DPF3: variants seen among roughly 807,000 people sequenced by gnomAD.
DPF3 encodes the protein zinc finger protein DPF3.
DPF3 carries 18 observed loss-of-function variants against 56.8 expected under a neutral mutation model. The observed-to-expected ratio is 0.32, with a 90% CI of 0.22 to 0.47. DPF3 has a LOEUF of 0.47. Among genes scored for constraint, DPF3 ranks in the 20% least tolerant of loss-of-function variants. DPF3 has a pLI of 1.00. For missense variants in DPF3, 403 were observed against 488.8 expected (o/e 0.82, Z 1.65); for synonymous variants, 188 against 180.2 (o/e 1.04, Z -0.35).
intron 1 of DPF3, among the ~76,000 whole-genome samples, chr14:72,809,500 C>A (rs1599461413): frequency 6.6e-6 from 1 of 152,224 alleles, no homozygotes; most frequent in Non-Finnish European, 1.5e-5. Context: ...GATGGCTCCC[C>A]ATCCACCAGC....
rs1883921205 is a variant in DPF3 at position 72,614,014 on chromosome 14, G to A, written c.*5283C>T. 6.6e-6 allele frequency among the ~76,000 whole-genome samples: 1 copy of A among 152,062 alleles called. No homozygotes were observed. The highest frequency in any genetic ancestry group is 2.1e-4 in the South Asian group (1 of 4,822). On this transcript the variant is annotated 3_prime_UTR_variant, in exon 11 of 11. Coordinates refer to ENST00000556509, the MANE Select transcript of DPF3 (RefSeq NM_001280542.3). ...TCAGCTGTCCACTCACAGACCAGAG[G>A]GTCTCCAGCCTCCCTAGGAAGGGGT...
intron 1 of DPF3, among the ~76,000 whole-genome samples, chr14:72,867,637 C>T (rs188356500): frequency 1.2e-3 from 180 of 152,324 alleles, no homozygotes; most frequent in African/African-American, 4.2e-3. Flanking sequence ...AGAGATGCCC[C>T]GCCCTCCATG....
intron 5 of DPF3, among the ~76,000 whole-genome samples, chr14:72,715,306 T>C (rs1442220628): frequency 1.3e-5 from 2 of 152,208 alleles, no homozygotes; most frequent in Non-Finnish European, 2.9e-5. Flanking sequence ...GAGAGGTTGC[T>C]GGCAGCTCTG....
At chr14:72,640,046 TAAAAAAAAAAAAAAAAA>T (rs370070354) in intron 8 of DPF3, among the ~76,000 whole-genome samples, 9 of 45,268 alleles carry the variant, frequency 2.0e-4, no homozygotes, top group Non-Finnish European at 3.2e-4. Flanking sequence ...GTTTTCTAAG[TAAAAAAAAAAAAAAAAA>T]AAAAAAAAAA....
At chr14:72,756,855 A>AGGAAGGAAGGAAG (rs775621326) in intron 2 of DPF3, among the ~76,000 whole-genome samples, 2 of 107,740 alleles carry the variant, frequency 1.9e-5, no homozygotes, top group African/African-American at 7.5e-5. Context: ...AAAGAAAGAA[A>AGGAAGGAAGGAAG]GAAAGAAAGA....
intron 7 of DPF3, among the ~76,000 whole-genome samples, chr14:72,676,698 C>A (rs1886924454): frequency 6.6e-6 from 1 of 152,218 alleles, no homozygotes; most frequent in Non-Finnish European, 1.5e-5. Context: ...CACATGCTCT[C>A]TTGCCTGCTG....
intron 1 of DPF3, among the ~76,000 whole-genome samples, chr14:72,805,471 CA>C (rs1156474359): frequency 0.04 from 5,457 of 135,956 alleles, 333 homozygotes; most frequent in African/African-American, 0.14. Context: ...ACTCTACCTC[CA>C]AAAAAAAAAA....
chr14:72,765,326 T>G (rs867056824), intron 2 of DPF3, among the ~76,000 whole-genome samples: 2 of 152,242 alleles, frequency 1.3e-5, no homozygotes, highest in Non-Finnish European at 2.9e-5. Flanking sequence ...ACAACCACTT[T>G]GGAAAAGAGC....
intron 2 of DPF3, among the ~76,000 whole-genome samples, chr14:72,768,197 C>T (rs917180195): frequency 5.9e-5 from 9 of 152,158 alleles, no homozygotes; most frequent in African/African-American, 2.2e-4. Context: ...AATCTTGGAA[C>T]TTCAGTAAGT....
At chr14:72,856,071 G>A (rs1309934710) in intron 1 of DPF3, among the ~76,000 whole-genome samples, 1 of 152,234 alleles carries the variant, frequency 6.6e-6, no homozygotes, top group Non-Finnish European at 1.5e-5. Flanking sequence ...GGCCTGGCCT[G>A]TGCTTTGGGC....
intron 2 of DPF3, among the ~76,000 whole-genome samples, chr14:72,767,760 C>CAAA (rs372452441): frequency 0.053 from 3,775 of 71,646 alleles, 160 homozygotes; most frequent in Non-Finnish European, 0.06. Flanking sequence ...CCAAATTTGG[C>CAAA]AAAAAAAAAA....
chr14:72,875,329 C>G (rs1459062256), intron 1 of DPF3, among the ~76,000 whole-genome samples: 4 of 152,060 alleles, frequency 2.6e-5, no homozygotes, highest in Non-Finnish European at 4.4e-5. Flanking sequence ...ATTGCTTGAG[C>G]CTGGGAGGTC....
chr14:72,887,913 G>T (rs1025341442), intron 1 of DPF3, among the ~76,000 whole-genome samples: 7 of 152,192 alleles, frequency 4.6e-5, no homozygotes, highest in Non-Finnish European at 8.8e-5. Flanking sequence ...AAACTTTCTG[G>T]TGGAGCTTCC....
chr14:72,858,676 G>A (rs17781655), intron 1 of DPF3, among the ~76,000 whole-genome samples: 11,643 of 152,228 alleles, frequency 0.076, 624 homozygotes, highest in South Asian at 0.18. Context: ...AAGCCAAAGA[G>A]CCTTAGGTGT....
In DPF3 at chr14:72,822,801, AAG is replaced by A. The variant is rs61588291; in HGVS notation, c.33-50910_33-50909del. 9.2e-3 allele frequency among the ~76,000 whole-genome samples: 1,395 copies of A among 152,232 alleles called. 17 individuals carry two copies. Among genetic ancestry groups the A allele is most frequent in the African/African-American group, 0.032 (1,337 of 41,528 alleles). Reference sequence around the variant, plus strand: ...TTATGAGTTGAGTTTTTTAGAAGGAAAGAGAGTGTTATACGTTGCATTATATC... The same window carrying A: ...TTATGAGTTGAGTTTTTTAGAAGGAAAGAGTGTTATACGTTGCATTATATC... On this transcript the variant is annotated intron_variant, in intron 1 of 10. Coordinates refer to ENST00000556509, the MANE Select transcript of DPF3 (RefSeq NM_001280542.3).
chr14:72,781,759 C>T (rs528074605), intron 1 of DPF3, among the ~76,000 whole-genome samples: 3 of 152,162 alleles, frequency 2.0e-5, no homozygotes, highest in East Asian at 1.9e-4. Context: ...GGAAGAGGAC[C>T]GTAGCTTTTC....
intron 6 of DPF3, among the ~76,000 whole-genome samples, chr14:72,697,160 C>G (rs1887940542): frequency 1.3e-5 from 2 of 152,188 alleles, no homozygotes; most frequent in East Asian, 3.8e-4. Flanking sequence ...CCATTTTTAA[C>G]CGGGTATTTG....
At chr14:72,803,754 G>A (rs975397756) in intron 1 of DPF3, among the ~76,000 whole-genome samples, 1 of 152,224 alleles carries the variant, frequency 6.6e-6, no homozygotes, top group African/African-American at 2.4e-5. Context: ...GAATGAATGC[G>A]TGAACACATG....
chr14:72,765,282 C>T (rs1227171480), intron 2 of DPF3, among the ~76,000 whole-genome samples: 1 of 151,404 alleles, frequency 6.6e-6, no homozygotes, highest in African/African-American at 2.4e-5. Flanking sequence ...GGAAGTGGAA[C>T]TCTCATATAT....
Sources: allele counts gnomAD v4.1 joint callset (sites outside exome capture counted in the v4.1 genomes callset), GRCh38; gene constraint gnomAD v4.1.1; transcripts MANE v1.5; gene names NCBI Gene and HGNC (gene_info 2026-07-23, HGNC 2026-07-21).